Variants in RANBP17 observed in about 807,000 individuals in gnomAD.
The protein encoded by RANBP17 is RAN binding protein 17.
In RANBP17, 158 loss-of-function variants were observed where a neutral mutation model predicts 141.2. The observed-to-expected ratio is 1.12, with a 90% CI of 0.98 to 1.28. RANBP17 has a LOEUF of 1.28. Ranked by LOEUF, RANBP17 falls within the 50% of genes most tolerant of loss-of-function variation. The pLI, the probability that RANBP17 is intolerant of heterozygous loss-of-function variation, is 0.00. For synonymous variants in RANBP17, 430 were observed against 450.0 expected, an observed-to-expected ratio of 0.96 and a Z score of 0.56; for missense variants, 1,438 against 1,290.7, an observed-to-expected ratio of 1.11 and a Z score of -1.75.
intron 2 of RANBP17, among the ~76,000 whole-genome samples, chr5:170,879,068 C>A (rs1343920216): frequency 1.3e-5 from 2 of 152,048 alleles, no homozygotes; most frequent in Non-Finnish European, 2.9e-5. Flanking sequence ...CTATTAATAA[C>A]TGGAGTTCAG....
At chr5:171,124,802 G>A (rs1581686868) in intron 14 of RANBP17, among the ~76,000 whole-genome samples, 2 of 152,078 alleles carry the variant, frequency 1.3e-5, no homozygotes, top group Middle Eastern at 3.4e-3. Context: ...AGGAAGACCA[G>A]AACAAACGAT....
chr5:170,901,725 A>G (rs1770650810), intron 5 of RANBP17, among the ~76,000 whole-genome samples: 1 of 152,216 alleles, frequency 6.6e-6, no homozygotes, highest in Non-Finnish European at 1.5e-5. Flanking sequence ...GGTGGTGACA[A>G]AATCTCTGAG....
chr5:171,068,617 C>T (rs1480173992), intron 14 of RANBP17, among the ~76,000 whole-genome samples: 2 of 150,656 alleles, frequency 1.3e-5, no homozygotes, highest in African/African-American at 2.5e-5. Flanking sequence ...GACAGAGTCT[C>T]ACTCTGTTGC....
At chr5:170,942,591 A>C (rs1422567572) in intron 12 of RANBP17, among the ~76,000 whole-genome samples, 2 of 152,224 alleles carry the variant, frequency 1.3e-5, no homozygotes, top group African/African-American at 4.8e-5. Flanking sequence ...TAAAAAATCA[A>C]AAGAATAATA....
intron 14 of RANBP17, among the ~76,000 whole-genome samples, chr5:171,015,039 C>T (rs1212848784): frequency 6.6e-6 from 1 of 152,034 alleles, no homozygotes; most frequent in African/African-American, 2.4e-5. Context: ...ATCCTTTTCT[C>T]CATTTCACTG....
chr5:171,137,761 G>T (rs1757412744), intron 14 of RANBP17, among the ~76,000 whole-genome samples: 1 of 151,788 alleles, frequency 6.6e-6, no homozygotes, highest in African/African-American at 2.4e-5. Context: ...CTGCTTTCAT[G>T]AATTTTTATC....
chr5:170,998,295 G>A lies in RANBP17; in HGVS notation c.1710+29918G>A, dbSNP rs1033930084. 9.2e-5 allele frequency among the ~76,000 whole-genome samples: 14 copies of A among 152,184 alleles called. No homozygotes were observed. In the East Asian group the frequency reaches 2.1e-3, roughly 23 times the overall value. On this transcript the variant is annotated intron_variant, in intron 14 of 27. Transcript: ENST00000523189. ...ATAGCATTTTGAACATAATGGTCAC[G>A]TTGGAGCAATTGCCATTTCAAATCA...
At chr5:170,882,923 A>G (rs1489854021) in intron 3 of RANBP17, among the ~76,000 whole-genome samples, 1 of 152,164 alleles carries the variant, frequency 6.6e-6, no homozygotes, top group Admixed American at 6.5e-5. Context: ...TTCATATTAG[A>G]AATAGATTGT....
chr5:170,999,934 C>G (rs1427785521), intron 14 of RANBP17, among the ~76,000 whole-genome samples: 2 of 152,184 alleles, frequency 1.3e-5, no homozygotes, highest in African/African-American at 4.8e-5. Flanking sequence ...AACTACCATT[C>G]TAGTTATTGT....
intron 22 of RANBP17, among the ~76,000 whole-genome samples, chr5:171,226,872 A>G (rs777701749): frequency 6.6e-6 from 1 of 152,206 alleles, no homozygotes; most frequent in Non-Finnish European, 1.5e-5. Context: ...TGTACTTTGC[A>G]GATACTGTGT....
At position 171,298,945 on chromosome 5, in the gene RANBP17, A is replaced by G. The variant is rs1768991498; in HGVS notation, c.*87A>G. 1 of 955,400 alleles carries G rather than the reference A, an allele frequency of 1.0e-6. No homozygotes were observed. Among genetic ancestry groups the G allele is most frequent in the Non-Finnish European group, 1.6e-6 (1 of 612,266 alleles). 59.2% of individuals were successfully genotyped at this position (955,400 alleles called of 1,614,324 possible). On this transcript the variant is annotated 3_prime_UTR_variant, in exon 28 of 28. Transcript: ENST00000523189. ...TCAGGACAGTGATGTTGGCTAGCCCAGGGGAATGTATTTTTCAAAACATAC... is the reference window on the plus strand; with the variant it reads ...TCAGGACAGTGATGTTGGCTAGCCCGGGGGAATGTATTTTTCAAAACATAC...
At chr5:171,184,467 C>G (rs1466757051) in intron 18 of RANBP17, among the ~76,000 whole-genome samples, 2 of 152,084 alleles carry the variant, frequency 1.3e-5, no homozygotes, top group Non-Finnish European at 2.9e-5. Flanking sequence ...ATGGTGGTTA[C>G]TAAGAGCTGA....
At chr5:171,066,391 G>T (rs1784314719) in intron 14 of RANBP17, among the ~76,000 whole-genome samples, 1 of 152,012 alleles carries the variant, frequency 6.6e-6, no homozygotes, top group Non-Finnish European at 1.5e-5. Flanking sequence ...AGGTTTTTTT[G>T]ATTCCACATA....
At chr5:171,104,908 T>C (rs939543192) in intron 14 of RANBP17, among the ~76,000 whole-genome samples, 6 of 152,190 alleles carry the variant, frequency 3.9e-5, no homozygotes, top group Non-Finnish European at 7.3e-5. Context: ...ATATAGTGAT[T>C]TAATTTTTCC....
At chr5:170,866,340 A>G (rs1394904716) in intron 1 of RANBP17, among the ~76,000 whole-genome samples, 1 of 150,728 alleles carries the variant, frequency 6.6e-6, no homozygotes, top group Non-Finnish European at 1.5e-5. Flanking sequence ...TTGAGCTTGT[A>G]AATCTACACT....
chr5:171,242,855 A>G lies in RANBP17; in HGVS notation c.2776+35A>G, dbSNP rs371788600. The stretch of plus-strand genomic sequence containing the variant: ...ATAGAGGACATTGTTTCCATAGGAA[A>G]AACTTGATTATGGGCTTTTAATGTA... On this transcript the variant is annotated intron_variant, in intron 24 of 27. Coordinates refer to ENST00000523189, the MANE Select transcript of RANBP17 (RefSeq NM_022897.5). 9.7e-5 allele frequency: 155 copies of G among 1,599,044 alleles called. 1 individual carries two copies. In the African/African-American group the frequency reaches 1.8e-3, roughly 19 times the overall value.
At chr5:171,184,365 G>A (rs1463747519) in intron 18 of RANBP17, among the ~76,000 whole-genome samples, 2 of 152,180 alleles carry the variant, frequency 1.3e-5, no homozygotes, top group Admixed American at 6.5e-5. Context: ...ACTATGTTAA[G>A]TGAAATAAGC....
chr5:171,008,606 A>G (rs892206246), intron 14 of RANBP17, among the ~76,000 whole-genome samples: 7 of 152,170 alleles, frequency 4.6e-5, no homozygotes, highest in Non-Finnish European at 1.0e-4. Flanking sequence ...TAGGGGGTGA[A>G]TCTCACAAAG....
intron 22 of RANBP17, among the ~76,000 whole-genome samples, chr5:171,232,781 G>A (rs1021184217): frequency 6.6e-6 from 1 of 151,984 alleles, no homozygotes; most frequent in African/African-American, 2.4e-5. Context: ...TATGGTCATT[G>A]TTCTATGTTA....
Sources: allele counts gnomAD v4.1 joint callset (sites outside exome capture counted in the v4.1 genomes callset), GRCh38; gene constraint gnomAD v4.1.1; transcripts MANE v1.5; gene names NCBI Gene and HGNC (gene_info 2026-07-23, HGNC 2026-07-21).